EFCAB3: variants seen among roughly 807,000 people sequenced by gnomAD.
The protein encoded by EFCAB3 is EF-hand calcium-binding domain-containing protein 3.
Under a neutral mutation model 42.2 loss-of-function variants are expected in EFCAB3, and 36 were observed. The observed-to-expected ratio is 0.85, with a 90% CI of 0.65 to 1.13. EFCAB3 has a LOEUF of 1.13. EFCAB3 is among the 50% of genes most tolerant of loss of function. The probability of loss-of-function intolerance (pLI) is 0.00; values close to 1 mark genes in which losing one functional copy is unlikely to be tolerated. For missense variants in EFCAB3, 418 were observed against 505.1 expected, an observed-to-expected ratio of 0.83 and a Z score of 1.65; for synonymous variants, 170 against 172.8, an observed-to-expected ratio of 0.98 and a Z score of 0.13.
intron 3 of EFCAB3, 47 bp downstream of exon 3, chr17:62,387,463 T>C: frequency 6.8e-7 from 1 of 1,461,572 alleles, no homozygotes; most frequent in Non-Finnish European, 9.5e-7. Flanking sequence ...CTCCTTAATA[T>C]GTCTGATCCT....
At chr17:62,371,935 T>C (rs1053917099) in intron 1 of EFCAB3, among the ~76,000 whole-genome samples, 1 of 152,214 alleles carries the variant, frequency 6.6e-6, no homozygotes, top group East Asian at 1.9e-4. Flanking sequence ...TCAGTGATGT[T>C]GTCAGAGAGT....
chr17:62,394,928 CA>C (rs1405000244), intron 5 of EFCAB3, 139 bp from the exon 6 acceptor site: 1 of 1,137,804 alleles, frequency 8.8e-7, no homozygotes, highest in Non-Finnish European at 1.2e-6. Context: ...GCCTTTCTAC[CA>C]AATAGAACAG....
chr17:62,408,578 A>G (rs2070468226), intron 8 of EFCAB3, among the ~76,000 whole-genome samples: 1 of 152,254 alleles, frequency 6.6e-6, no homozygotes, highest in Non-Finnish European at 1.5e-5. Context: ...AAAATTAAAT[A>G]AAATTACAAA....
At position 62,416,241 on chromosome 17, in the gene EFCAB3, G is replaced by C. The variant is rs1194900510; in HGVS notation, c.1229G>C (p.Arg410Thr). Reference sequence around the variant, plus strand: ...AATAGAAATTCCTCCCATAACTCCAGATCCTCTTCCTCATCAGATACCAGT... The same window carrying C: ...AATAGAAATTCCTCCCATAACTCCACATCCTCTTCCTCATCAGATACCAGT... ...YVNRNSSHNSRSSSSSDTSEC... is the reference protein window; with the variant it reads ...YVNRNSSHNSTSSSSSDTSEC... Residue 410 changes from arginine to threonine, a missense_variant, in exon 10 of 10, where the codon AGA becomes ACA. Coordinates refer to ENST00000305286, the MANE Select transcript of EFCAB3 (RefSeq NM_173503.4). The C allele has an allele frequency of 3.1e-6, 5 of 1,613,780 alleles. No individual in the cohort carries two copies. The Admixed American group carries it at 8.3e-5, about 27-fold the overall frequency.
intron 9 of EFCAB3, among the ~76,000 whole-genome samples, chr17:62,414,690 C>T (rs2070529900): frequency 6.6e-6 from 1 of 152,054 alleles, no homozygotes; most frequent in Non-Finnish European, 1.5e-5. Flanking sequence ...GCATGTGTCT[C>T]AGTTGATAGC....
At chr17:62,405,542 T>C (rs2070440287) in intron 6 of EFCAB3, among the ~76,000 whole-genome samples, 1 of 152,236 alleles carries the variant, frequency 6.6e-6, no homozygotes, top group Admixed American at 6.5e-5. Flanking sequence ...GAGGTTCCAC[T>C]GCCAAAGCAG....
chr17:62,382,841 C>T (rs532327128), intron 1 of EFCAB3, 122 bp from the exon 2 acceptor site: 2 of 724,884 alleles, frequency 2.8e-6, no homozygotes, highest in Non-Finnish European at 4.4e-6. Context: ...GAGTTTGCAT[C>T]TATTACCATT....
intron 1 of EFCAB3, among the ~76,000 whole-genome samples, chr17:62,370,586 G>C (rs996570103): frequency 1.3e-5 from 2 of 151,810 alleles, no homozygotes; most frequent in African/African-American, 2.4e-5. Context: ...AACCCAGGAG[G>C]GGGAGGTTGC....
At chr17:62,370,595 G>A (rs1285389921) in intron 1 of EFCAB3, among the ~76,000 whole-genome samples, 1 of 151,904 alleles carries the variant, frequency 6.6e-6, no homozygotes, top group Non-Finnish European at 1.5e-5. Flanking sequence ...GGGGGAGGTT[G>A]CAGTGAGCTG....
intron 5 of EFCAB3, among the ~76,000 whole-genome samples, chr17:62,394,119 A>G (rs567679335): frequency 7.4e-4 from 113 of 152,076 alleles, no homozygotes; most frequent in Non-Finnish European, 1.5e-3. Flanking sequence ...ATGCCCGGCT[A>G]ATTTTTTGTA....
chr17:62,371,825 A>G (rs920662366), intron 1 of EFCAB3, among the ~76,000 whole-genome samples: 5 of 152,192 alleles, frequency 3.3e-5, no homozygotes, highest in African/African-American at 1.2e-4. Context: ...CTTGTGCTAT[A>G]TAAATACTTT....
At chr17:62,386,775 C>T (rs1305142753) in intron 2 of EFCAB3, among the ~76,000 whole-genome samples, 3 of 151,466 alleles carry the variant, frequency 2.0e-5, no homozygotes, top group South Asian at 2.1e-4. Context: ...TGGGGGAAAT[C>T]GTAACTGGTT....
chr17:62,403,044 C>G lies in EFCAB3; in HGVS notation c.489-3436C>G, dbSNP rs148651885. Among the ~76,000 whole-genome samples, 820 of 152,248 alleles carry G rather than the reference C, an allele frequency of 5.4e-3. 14 individuals are homozygous for G. Among genetic ancestry groups the G allele is most frequent in the African/African-American group, 0.019 (791 of 41,536 alleles). ...AGGGTATATGTGTCCAGGAATTTAT[C>G]CATTTCTTCTAGATTTTCTAGTTTA... On this transcript the variant is annotated intron_variant, in intron 6 of 9. Transcript: ENST00000305286.
Position 62,406,575 on chromosome 17 carries a change from GCA to G in EFCAB3, c.588_589del (p.Pro197SerfsTer10). 6.2e-7 allele frequency: 1 copy of G among 1,614,014 alleles called. No individual in the cohort carries two copies. The highest frequency in any genetic ancestry group is 8.5e-7 in the Non-Finnish European group (1 of 1,179,994). On this transcript the variant is annotated frameshift_variant, in exon 7 of 10. Transcript: ENST00000305286. LOFTEE classifies it high-confidence loss of function. ...AAAAGGACACTTAAGCCAGACATAT[GCA>G]CACCTCCAAGCTCAAGCATGGCTGC...
intron 4 of EFCAB3, among the ~76,000 whole-genome samples, chr17:62,392,225 A>G (rs2070309352): frequency 6.6e-6 from 1 of 150,564 alleles, no homozygotes; most frequent in Admixed American, 6.7e-5. Context: ...ATATATGTAT[A>G]TATCCATATA....
At chr17:62,401,743 T>C (rs1436249205) in intron 6 of EFCAB3, among the ~76,000 whole-genome samples, 1 of 152,220 alleles carries the variant, frequency 6.6e-6, no homozygotes, top group Non-Finnish European at 1.5e-5. Context: ...GCTTTGTTCT[T>C]TTTGCTTAGG....
Position 62,416,087 on chromosome 17 carries a change from G to A in EFCAB3, c.1075G>A (p.Gly359Arg). 1 of 1,614,000 alleles carries A rather than the reference G, an allele frequency of 6.2e-7. No individual in the cohort carries two copies. The highest frequency in any genetic ancestry group is 8.5e-7 in the Non-Finnish European group (1 of 1,179,870). Residue 359 changes from glycine (G) to arginine (R), a missense_variant, in exon 10 of 10, where the codon GGG becomes AGG. Gly to Arg is a moderately radical substitution (Grantham distance 125, BLOSUM62 -2). Coordinates refer to ENST00000305286, the MANE Select transcript of EFCAB3 (RefSeq NM_173503.4). ...GCTAAACCTCTGGCAGAAGATCCGA[G>A]GGGATTTGATTGGGATGGACTCTAG... ...EMLNLWQKIR[G>R]DLIGMDSRNE...
intron 1 of EFCAB3, among the ~76,000 whole-genome samples, chr17:62,371,367 C>A (rs1023872657): frequency 1.3e-5 from 2 of 151,738 alleles, no homozygotes; most frequent in African/African-American, 4.8e-5. Context: ...CCAGCCTGAC[C>A]AACATGGTGA....
chr17:62,391,042 T>G (rs572506126), intron 3 of EFCAB3, among the ~76,000 whole-genome samples: 1 of 152,330 alleles, frequency 6.6e-6, no homozygotes, highest in East Asian at 1.9e-4. Context: ...TTTCTATTGC[T>G]GCTGTAACAA....
Sources: gnomAD v4.1 joint callset for allele counts (sites outside exome capture counted in the v4.1 genomes callset) on GRCh38, gnomAD v4.1.1 for gene constraint, MANE v1.5 for transcripts, NCBI Gene and HGNC (gene_info 2026-07-23, HGNC 2026-07-21) for gene names.